The following MSANTD2 variants were observed in gnomAD, a reference collection of about 807,000 sequenced individuals.
The protein encoded by MSANTD2 is Myb/SANT DNA binding domain containing 2.
MSANTD2 carries 19 observed loss-of-function variants against 52.6 expected under a neutral mutation model. That is an observed-to-expected ratio of 0.36 (90% CI 0.25 to 0.53). MSANTD2 has a LOEUF of 0.53. Among genes scored for constraint, MSANTD2 ranks in the 20% least tolerant of loss-of-function variants. The probability of loss-of-function intolerance (pLI) is 0.91; values close to 1 mark genes in which losing one functional copy is unlikely to be tolerated. For synonymous variants in MSANTD2, 291 were observed against 289.7 expected (o/e 1.00, Z -0.04); for missense variants, 558 against 716.3 (o/e 0.78, Z 2.52).
intron 1 of MSANTD2, chr11:124,790,848 T>C (rs1945308666): frequency 5.0e-6 from 1 of 200,456 alleles, no homozygotes; most frequent in South Asian, 9.3e-5. Flanking sequence ...TATCTAAAAC[T>C]ATGTAATATA....
At chr11:124,785,760 A>G (rs1945138941) in intron 1 of MSANTD2, among the ~76,000 whole-genome samples, 1 of 151,618 alleles carries the variant, frequency 6.6e-6, no homozygotes. Context: ...ATATTAAGAT[A>G]TATGTATCTT....
intron 1 of MSANTD2, among the ~76,000 whole-genome samples, chr11:124,795,678 C>A (rs573449661): frequency 4.6e-5 from 7 of 152,226 alleles, no homozygotes; most frequent in African/African-American, 1.4e-4. Flanking sequence ...GTATATTATA[C>A]TTTTATTTTT....
Position 124,767,146 on chromosome 11 carries a change from A to G in MSANTD2, c.*30T>C. ...GGAAGTGAGTAGAGAAGAAGGAGCT[A>G]AGAGCCCAAATCCTTATGAAGGATG... On this transcript the variant is annotated 3_prime_UTR_variant, in exon 4 of 4. Transcript: ENST00000374979. The surrounding 1 kb of genome is among the most constrained non-coding windows in gnomAD (Gnocchi z 6.5). 2 of 1,555,594 alleles carry G rather than the reference A, an allele frequency of 1.3e-6. No individual in the cohort carries two copies. Among genetic ancestry groups the G allele is most frequent in the South Asian group, 2.5e-5 (2 of 78,860 alleles).
intron 1 of MSANTD2, chr11:124,791,423 G>C: frequency 7.5e-7 from 1 of 1,333,696 alleles, no homozygotes; most frequent in Non-Finnish European, 1.1e-6. Flanking sequence ...TACAGGGTGA[G>C]TGAGAAGCAC....
intron 1 of MSANTD2, among the ~76,000 whole-genome samples, chr11:124,788,075 C>G (rs1163668289): frequency 2.9e-5 from 4 of 138,094 alleles, no homozygotes; most frequent in African/African-American, 1.1e-4. Flanking sequence ...GAGCAAGACC[C>G]TGTCTCAAAA....
At position 124,787,033 on chromosome 11, in the gene MSANTD2, C is replaced by T. The variant is rs544726185; in HGVS notation, c.511-12059G>A. Among the ~76,000 whole-genome samples the T allele has an allele frequency of 3.3e-5, 5 of 152,292 alleles. No individual in the cohort carries two copies. The South Asian group carries it at 1.0e-3, about 32-fold the overall frequency. ...TTCATCTATATGGTGGGGCTGGTAA[C>T]AGTACCTCCATCATAGATTTGCTGT... On this transcript the variant is annotated intron_variant, in intron 1 of 3. Coordinates refer to ENST00000374979, the MANE Select transcript of MSANTD2 (RefSeq NM_001308027.2).
chr11:124,771,054 G>C (rs949302916), intron 3 of MSANTD2, among the ~76,000 whole-genome samples: 4 of 152,070 alleles, frequency 2.6e-5, no homozygotes, highest in African/African-American at 4.8e-5. Flanking sequence ...TTTTAGTAGA[G>C]ACAGGGTTTC....
intron 1 of MSANTD2, among the ~76,000 whole-genome samples, chr11:124,793,010 T>G (rs1945378881): frequency 1.3e-5 from 2 of 152,302 alleles, no homozygotes; most frequent in East Asian, 3.9e-4. Context: ...CCAAGAAAGA[T>G]ATCAAAAAGA....
At chr11:124,798,256 AAAAAT>A in intron 1 of MSANTD2, among the ~76,000 whole-genome samples, 1 of 140,244 alleles carries the variant, frequency 7.1e-6, no homozygotes, top group African/African-American at 2.6e-5. Context: ...AAAAAAAAAA[AAAAAT>A]TTAATGAGCC....
Position 124,783,700 on chromosome 11 carries a change from T to G in MSANTD2, c.511-8726A>C, listed in dbSNP as rs895774365. 1.0e-5 allele frequency: 10 copies of G among 980,526 alleles called. No individual in the cohort carries two copies. In the East Asian group the frequency reaches 1.1e-3, roughly 112 times the overall value. The allele number at this position is 980,526 out of a possible 1,614,324, so 60.7% of individuals were successfully genotyped here. A position where few individuals can be genotyped will look rare whatever the true frequency, so the allele number is the denominator to read the frequency against. On this transcript the variant is annotated intron_variant, in intron 1 of 3. Coordinates refer to ENST00000374979, the MANE Select transcript of MSANTD2 (RefSeq NM_001308027.2). ...AAATTCAGGAAATTTTGATTGTCAA[T>G]GAATATCAAGTTCTAAGTTTTCTAG...
intron 1 of MSANTD2, among the ~76,000 whole-genome samples, chr11:124,778,292 A>T (rs1192524783): frequency 6.6e-6 from 1 of 152,132 alleles, no homozygotes; most frequent in African/African-American, 2.4e-5. Context: ...CCTTTATTTT[A>T]CTCATCCTAG....
chr11:124,774,211 T>A lies in MSANTD2; in HGVS notation c.766+508A>T, dbSNP rs1156262750. Among the ~76,000 whole-genome samples the A allele has an allele frequency of 2.0e-5, 3 of 152,320 alleles. No individual in the cohort carries two copies. Among genetic ancestry groups the A allele is most frequent in the Non-Finnish European group, 4.4e-5 (3 of 68,020 alleles). On this transcript the variant is annotated intron_variant, in intron 2 of 3. Coordinates refer to ENST00000374979, the MANE Select transcript of MSANTD2 (RefSeq NM_001308027.2). The surrounding 1 kb of genome is among the most constrained non-coding windows in gnomAD (Gnocchi z 5.1). ...CAAGATAAATGGAGGCTTCCCCTCA[T>A]TTTGTGTTCAGGCTCAAGTCTGAGA...
intron 1 of MSANTD2, among the ~76,000 whole-genome samples, chr11:124,788,589 CAACT>C (rs1490961570): frequency 4.6e-5 from 7 of 152,150 alleles, no homozygotes; most frequent in African/African-American, 1.4e-4. Flanking sequence ...AAGGCCCAAC[CAACT>C]ATTAACCATG....
chr11:124,796,044 C>CA (rs1387104468), intron 1 of MSANTD2, among the ~76,000 whole-genome samples: 6 of 152,152 alleles, frequency 3.9e-5, no homozygotes, highest in African/African-American at 1.4e-4. Flanking sequence ...CAGCAATAAA[C>CA]AAATTTTCAT....
chr11:124,766,569 A>C lies in MSANTD2; in HGVS notation c.*607T>G. The C allele has an allele frequency of 6.6e-6, 1 of 152,548 alleles. No homozygotes were observed. Among genetic ancestry groups the C allele is most frequent in the African/African-American group, 2.4e-5 (1 of 41,436 alleles). The allele number at this position is 152,548 out of a possible 1,614,324, so 9.4% of individuals were successfully genotyped here. A position where few individuals can be genotyped will look rare whatever the true frequency, so the allele number is the denominator to read the frequency against. On this transcript the variant is annotated 3_prime_UTR_variant, in exon 4 of 4. Coordinates refer to ENST00000374979, the MANE Select transcript of MSANTD2 (RefSeq NM_001308027.2). ...GGCAACACAACTGTAAAGTTGGTAC[A>C]TCACAGAAACAAAGGTCTTTGCAAG...
chr11:124,772,194 AG>A (rs1565451304), intron 3 of MSANTD2, among the ~76,000 whole-genome samples: 2 of 152,122 alleles, frequency 1.3e-5, no homozygotes, highest in African/African-American at 4.8e-5. Context: ...GTCATCTAAG[AG>A]CTTTCTTTTT....
chr11:124,799,455 C>A (rs540595183), intron 1 of MSANTD2, among the ~76,000 whole-genome samples: 7 of 152,346 alleles, frequency 4.6e-5, no homozygotes, highest in Admixed American at 3.3e-4. Flanking sequence ...CAATGCCCCC[C>A]CCTTCTGCCC....
At chr11:124,790,395 T>A (rs962355327) in intron 1 of MSANTD2, 5 of 152,254 alleles carry the variant, frequency 3.3e-5, no homozygotes, top group African/African-American at 9.6e-5. Context: ...GGTCTTTGAC[T>A]GCAGTCAAGA....
chr11:124,777,609 A>T (rs887554091), intron 1 of MSANTD2, among the ~76,000 whole-genome samples: 1 of 152,212 alleles, frequency 6.6e-6, no homozygotes, highest in Non-Finnish European at 1.5e-5. Flanking sequence ...CACATTTTAC[A>T]ATTTATCAAA....
Sources: gnomAD v4.1 joint callset for allele counts (sites outside exome capture counted in the v4.1 genomes callset) on GRCh38, gnomAD v4.1.1 for gene constraint, Gnocchi (gnomAD v3.1) non-coding constraint, MANE v1.5 for transcripts, NCBI Gene and HGNC (gene_info 2026-07-23, HGNC 2026-07-21) for gene names.